Variants in ADCY1 observed in about 807,000 individuals in gnomAD.
The protein encoded by ADCY1 is adenylate cyclase 1, also known as adenylate cyclase type 1.
A neutral mutation model predicts 105.4 loss-of-function variants in ADCY1; 28 were observed. That is an observed-to-expected ratio of 0.27 (90% CI 0.20 to 0.36). The LOEUF is 0.36. Ranked by LOEUF, ADCY1 falls within the 10% of genes least tolerant of loss-of-function variation. ADCY1 has a pLI of 1.00. For missense variants in ADCY1, 977 were observed against 1,434.2 expected (o/e 0.68, Z 5.15); for synonymous variants, 655 against 623.8 (o/e 1.05, Z -0.75).
At chr7:45,577,896 A>G (rs1347905992) in intron 1 of ADCY1, among the ~76,000 whole-genome samples, 1 of 152,206 alleles carries the variant, frequency 6.6e-6, no homozygotes, top group Non-Finnish European at 1.5e-5. Context: ...GGATAGCCCT[A>G]AGGAGGCCTG....
Position 45,702,089 on chromosome 7 carries a change from G to A in ADCY1, c.2455-1287G>A, listed in dbSNP as rs190571290. 1.5e-3 allele frequency among the ~76,000 whole-genome samples: 224 copies of A among 152,268 alleles called. 1 individual carries two copies. The highest frequency in any genetic ancestry group is 0.01 in the Middle Eastern group (3 of 294). On this transcript the variant is annotated intron_variant, in intron 14 of 19. Transcript: ENST00000297323. Reference sequence around the variant, plus strand: ...TCCTCGTACCTGGCCCTCAAGGCTCGGGGCCTCGTCATCTCTATCCTTAGA... The same window carrying A: ...TCCTCGTACCTGGCCCTCAAGGCTCAGGGCCTCGTCATCTCTATCCTTAGA...
chr7:45,611,320 G>A (rs887751393), intron 3 of ADCY1, among the ~76,000 whole-genome samples: 1 of 151,932 alleles, frequency 6.6e-6, no homozygotes, highest in African/African-American at 2.4e-5. Flanking sequence ...TTGGCTTCTT[G>A]GGTGATGCAT....
chr7:45,614,620 A>G (rs1232742728), intron 3 of ADCY1, among the ~76,000 whole-genome samples: 1 of 152,222 alleles, frequency 6.6e-6, no homozygotes, highest in African/African-American at 2.4e-5. Context: ...AAACAAAACC[A>G]AAACCAAGCC....
chr7:45,721,722 T>G lies in ADCY1; in HGVS notation c.*7727T>G, dbSNP rs1438548356. 3.3e-5 allele frequency: 13 copies of G among 398,674 alleles called. No homozygotes were observed. The East Asian group carries it at 4.6e-4, about 14-fold the overall frequency. 24.7% of individuals were successfully genotyped at this position (398,674 alleles called of 1,614,324 possible). A position where few individuals can be genotyped will look rare whatever the true frequency, so the allele number is the denominator to read the frequency against. On this transcript the variant is annotated 3_prime_UTR_variant, in exon 20 of 20. Coordinates refer to ENST00000297323, the MANE Select transcript of ADCY1 (RefSeq NM_021116.4). Reference sequence around the variant, plus strand: ...GGTTAGAGGATGTTCAAAGGGCCGATTTCAGCAGGAGTTCAGAGGGCTTAT... The same window carrying G: ...GGTTAGAGGATGTTCAAAGGGCCGAGTTCAGCAGGAGTTCAGAGGGCTTAT...
chr7:45,705,504 A>G (rs1277695256), intron 17 of ADCY1, among the ~76,000 whole-genome samples: 1 of 152,248 alleles, frequency 6.6e-6, no homozygotes, highest in African/African-American at 2.4e-5. Flanking sequence ...CAGAAAAATT[A>G]TTTAAGTCTA....
intron 1 of ADCY1, among the ~76,000 whole-genome samples, chr7:45,588,869 A>ATGTG (rs55962124): frequency 0.092 from 13,642 of 149,092 alleles, 622 homozygotes; most frequent in South Asian, 0.13. Context: ...CATTGCGTGT[A>ATGTG]TGTGTGTGTG....
At chr7:45,683,306 C>T (rs907372598) in intron 11 of ADCY1, among the ~76,000 whole-genome samples, 49 of 152,266 alleles carry the variant, frequency 3.2e-4, no homozygotes, top group Non-Finnish European at 2.5e-4. Context: ...CCAGCCAAAC[C>T]GTTGTCCACA....
chr7:45,676,440 A>G (rs1784457609), intron 8 of ADCY1, among the ~76,000 whole-genome samples: 1 of 151,824 alleles, frequency 6.6e-6, no homozygotes, highest in Admixed American at 6.6e-5. Context: ...TTTATGTCCT[A>G]GACATTTGGG....
rs985907628 is a variant in ADCY1 at position 45,710,784 on chromosome 7, G to T, written c.3057+132G>T. The T allele has an allele frequency of 5.5e-6, 7 of 1,282,332 alleles. No individual in the cohort carries two copies. In the East Asian group the frequency reaches 1.1e-4, roughly 20 times the overall value. The allele number at this position is 1,282,332 out of a possible 1,614,324, so 79.4% of individuals were successfully genotyped here. On this transcript the variant is annotated intron_variant, in intron 19 of 19. Coordinates refer to ENST00000297323, the MANE Select transcript of ADCY1 (RefSeq NM_021116.4). This position sits in a 1 kb window ranked among gnomAD's most constrained non-coding sequence, Gnocchi z 4.7. The stretch of plus-strand genomic sequence containing the variant: ...CAGGGCAGAAAGAGCTGCATATTTC[G>T]GTCTGTCTGCTCTGGAGGGCATCCT...
chr7:45,662,022 C>T, intron 7 of ADCY1, 37 bp from the exon 8 acceptor site: 2 of 1,598,770 alleles, frequency 1.3e-6, no homozygotes, highest in East Asian at 2.2e-5. Flanking sequence ...GTGTCTCATT[C>T]ACAGCATTTC....
chr7:45,611,503 A>G (rs562056983), intron 3 of ADCY1, among the ~76,000 whole-genome samples: 1 of 152,182 alleles, frequency 6.6e-6, no homozygotes, highest in Non-Finnish European at 1.5e-5. Context: ...TGGGTCTGGT[A>G]TATGTGTGCT....
chr7:45,697,386 C>CTTT lies in ADCY1; in HGVS notation c.2455-5971_2455-5969dup, dbSNP rs34522967. 1.3e-3 allele frequency among the ~76,000 whole-genome samples: 144 copies of CTTT among 108,222 alleles called. 2 individuals carry two copies. Among genetic ancestry groups the CTTT allele is most frequent in the Middle Eastern group, 6.4e-3 (1 of 156 alleles). The allele number at this position is 108,222 out of a possible 152,430, so 71.0% of individuals were successfully genotyped here. On this transcript the variant is annotated intron_variant, in intron 14 of 19. Transcript: ENST00000297323. ...CACTGTTAGCACGAGCTCTCTTTACCTTTTTTTTTTTTTTTTTTTTTGAGG... is the reference window on the plus strand; with the variant it reads ...CACTGTTAGCACGAGCTCTCTTTACCTTTTTTTTTTTTTTTTTTTTTTTTGAGG...
At position 45,589,370 on chromosome 7, in the gene ADCY1, G is replaced by A. The variant is rs568063057; in HGVS notation, c.640-3389G>A. 1.4e-4 allele frequency among the ~76,000 whole-genome samples: 21 copies of A among 152,274 alleles called. No individual in the cohort carries two copies. In the South Asian group the frequency reaches 3.1e-3, roughly 23 times the overall value. ...GTCTCCTGCTCCAGGAGTGGCCAGC[G>A]GGCTGTGGTGGGGAGGCCGCCTGTC... is the stretch of plus-strand genomic sequence containing the variant. On this transcript the variant is annotated intron_variant, in intron 1 of 19. Coordinates refer to ENST00000297323, the MANE Select transcript of ADCY1 (RefSeq NM_021116.4).
intron 3 of ADCY1, among the ~76,000 whole-genome samples, chr7:45,610,968 TG>T (rs1282802357): frequency 7.4e-6 from 1 of 135,788 alleles, no homozygotes; most frequent in Non-Finnish European, 1.6e-5. Flanking sequence ...GTAGAGGTGA[TG>T]GTGGAGGTGG....
At chr7:45,677,044 G>A (rs1255560491) in intron 8 of ADCY1, among the ~76,000 whole-genome samples, 2 of 151,924 alleles carry the variant, frequency 1.3e-5, no homozygotes, top group East Asian at 3.9e-4. Flanking sequence ...AAGGCAGAAA[G>A]AAACCTCAAG....
chr7:45,586,197 G>A (rs1210948672), intron 1 of ADCY1, among the ~76,000 whole-genome samples: 1 of 152,090 alleles, frequency 6.6e-6, no homozygotes, highest in African/African-American at 2.4e-5. Context: ...AGGCTGGGCT[G>A]TCTTGGAGAG....
In ADCY1 at chr7:45,648,152, T is replaced by C. The variant is rs376414260; in HGVS notation, c.1021-518T>C. On this transcript the variant is annotated intron_variant, in intron 4 of 19. Transcript: ENST00000297323. ...GCTTTGGCCAGTGCCTTCTGCCTCC[T>C]GGGAGTGTGCCCTGTGGGTGGGGAG... Among the ~76,000 whole-genome samples the C allele has an allele frequency of 3.1e-3, 469 of 152,356 alleles. 1 individual carries two copies. Among genetic ancestry groups the C allele is most frequent in the African/African-American group, 7.8e-3 (326 of 41,588 alleles).
chr7:45,671,496 G>T (rs1268803298), intron 8 of ADCY1, among the ~76,000 whole-genome samples: 1 of 152,030 alleles, frequency 6.6e-6, no homozygotes, highest in Admixed American at 6.5e-5. Context: ...ATAAACTGCC[G>T]AACTGTTTTC....
chr7:45,677,810 G>C, intron 8 of ADCY1, 59 bp from the exon 9 acceptor site: 1 of 1,557,054 alleles, frequency 6.4e-7, no homozygotes, highest in Non-Finnish European at 8.7e-7. Flanking sequence ...GAGTACAGGT[G>C]CTTTTCTTCA....
Sources: allele counts gnomAD v4.1 joint callset (sites outside exome capture counted in the v4.1 genomes callset), GRCh38; gene constraint gnomAD v4.1.1; non-coding constraint Gnocchi (gnomAD v3.1); transcripts MANE v1.5; gene names NCBI Gene and HGNC (gene_info 2026-07-23, HGNC 2026-07-21).